Variants in SPRYD4 observed in about 807,000 individuals in gnomAD.
The protein encoded by SPRYD4 is SPRY domain-containing protein 4.
In SPRYD4, 12 loss-of-function variants were observed where a neutral mutation model predicts 16.6. The ratio of observed to expected loss-of-function variants is 0.72; its 90% CI spans 0.46 to 1.17. The LOEUF (loss-of-function observed/expected upper bound fraction) is 1.17, where lower values mean the gene tolerates loss of function less well. Among genes scored for constraint, SPRYD4 ranks in the 50% most tolerant of loss-of-function variants. SPRYD4 has a pLI of 0.00. For synonymous variants in SPRYD4, 98 were observed against 105.4 expected (o/e 0.93, Z 0.43); for missense variants, 260 against 260.2 (o/e 1.00, Z 0.00).
At position 56,469,349 on chromosome 12, in the gene SPRYD4, CACCATGTTG is replaced by C; in HGVS notation, c.397_405del (p.Thr133_Leu135del). ...TCACCTATGCCCAGCGCAAGTGGTA[CACCATGTTG>C]GCCAACGAGAAAGCCCCAGTTGAGG... On this transcript the variant is annotated inframe_deletion, in exon 2 of 2. Coordinates refer to ENST00000338146, the MANE Select transcript of SPRYD4 (RefSeq NM_207344.4). 6.2e-7 allele frequency: 1 copy of C among 1,614,150 alleles called. No homozygotes were observed. Among genetic ancestry groups the C allele is most frequent in the Non-Finnish European group, 8.5e-7 (1 of 1,180,032 alleles).
chr12:56,475,821 GAA>G lies in SPRYD4; in HGVS notation c.*6246_*6247del. ...AGGCCAGCAGATTTCCACATTTCTG[GAA>G]ATAAGGCTTCTAGTATGGGCTGGTG... is the stretch of plus-strand genomic sequence containing the variant. On this transcript the variant is annotated 3_prime_UTR_variant, in exon 2 of 2. Coordinates refer to ENST00000338146, the MANE Select transcript of SPRYD4 (RefSeq NM_207344.4). 1 of 1,415,012 alleles carries G rather than the reference GAA, an allele frequency of 7.1e-7. No individual in the cohort carries two copies. 87.7% of individuals were successfully genotyped at this position (1,415,012 alleles called of 1,614,324 possible). A position where few individuals can be genotyped will look rare whatever the true frequency, so the allele number is the denominator to read the frequency against.
In SPRYD4 at chr12:56,478,650, T is replaced by C; in HGVS notation, c.*9073T>C. The stretch of plus-strand genomic sequence containing the variant: ...GCCATGTCACCATTTACAGAAGTTC[T>C]GCTTCTCATCTCTCATTCATAGGAC... On this transcript the variant is annotated 3_prime_UTR_variant, in exon 2 of 2. Transcript: ENST00000338146. The C allele has an allele frequency of 3.8e-6, 1 of 261,772 alleles. No individual in the cohort carries two copies. Among genetic ancestry groups the C allele is most frequent in the Admixed American group, 5.0e-5 (1 of 20,066 alleles). The allele number at this position is 261,772 out of a possible 1,614,324, so 16.2% of individuals were successfully genotyped here. A position where few individuals can be genotyped will look rare whatever the true frequency, so the allele number is the denominator to read the frequency against.
chr12:56,472,244 C>A lies in SPRYD4; in HGVS notation c.*2667C>A. ...AGAGTTGCCTAGATCAGACTGGAAT[C>A]ACAGGTGTTCTTTGTGAACTGGTGT... On this transcript the variant is annotated 3_prime_UTR_variant, in exon 2 of 2. Coordinates refer to ENST00000338146, the MANE Select transcript of SPRYD4 (RefSeq NM_207344.4). 1 of 1,545,294 alleles carries A rather than the reference C, an allele frequency of 6.5e-7. No individual in the cohort carries two copies. Among genetic ancestry groups the A allele is most frequent in the South Asian group, 1.1e-5 (1 of 89,358 alleles).
rs372721462 is a variant in SPRYD4 at position 56,475,143 on chromosome 12, T to A, written c.*5566T>A. 15 of 1,613,256 alleles carry A rather than the reference T, an allele frequency of 9.3e-6. No individual in the cohort carries two copies. The highest frequency in any genetic ancestry group is 1.2e-5 in the Non-Finnish European group (14 of 1,180,048). The stretch of plus-strand genomic sequence containing the variant: ...AAACACCCAATTTAGTACTTGAAGT[T>A]GGAGGAGTGGGTGTTGGGAGAAGGG... On this transcript the variant is annotated 3_prime_UTR_variant, in exon 2 of 2. Coordinates refer to ENST00000338146, the MANE Select transcript of SPRYD4 (RefSeq NM_207344.4).
chr12:56,468,738 CCCACT>C, intron 1 of SPRYD4, 62 bp downstream of exon 1: 1 of 1,555,036 alleles, frequency 6.4e-7, no homozygotes, highest in Non-Finnish European at 8.9e-7. Flanking sequence ...ATTCCCAGAC[CCCACT>C]CCGAGAAGCA....
In SPRYD4 at chr12:56,473,024, G is replaced by A. The variant is rs1342963255; in HGVS notation, c.*3447G>A. On this transcript the variant is annotated 3_prime_UTR_variant, in exon 2 of 2. Transcript: ENST00000338146. ...CCTGCCTCAGCCTCCCAAGTAGCTGGGACCACAGGCGCGTGCCACCACGTC... is the reference window on the plus strand; with the variant it reads ...CCTGCCTCAGCCTCCCAAGTAGCTGAGACCACAGGCGCGTGCCACCACGTC... 3.3e-6 allele frequency: 2 copies of A among 604,694 alleles called. No individual in the cohort carries two copies. The highest frequency in any genetic ancestry group is 5.7e-6 in the Non-Finnish European group (2 of 351,114). The allele number at this position is 604,694 out of a possible 1,614,324, so 37.5% of individuals were successfully genotyped here.
chr12:56,469,202 C>G lies in SPRYD4; in HGVS notation c.249C>G (p.Val83=), dbSNP rs1488226180. The part of the protein sequence containing the change: ...EWAVVLADTA[V]TSGRHYWEVT... ...CAGTGGTGCTGGCAGACACAGCGGT[C>G]ACCAGTGGCAGACACTACTGGGAAG... The change falls in exon 2 of 2, where the codon GTC becomes GTG. Residue 83 remains valine, a synonymous_variant. Coordinates refer to ENST00000338146, the MANE Select transcript of SPRYD4 (RefSeq NM_207344.4). The G allele has an allele frequency of 6.2e-7, 1 of 1,614,070 alleles. No homozygotes were observed. Among genetic ancestry groups the G allele is most frequent in the East Asian group, 2.2e-5 (1 of 44,884 alleles).
Position 56,474,512 on chromosome 12 carries a change from A to G in SPRYD4, c.*4935A>G, listed in dbSNP as rs1869614181. The G allele has an allele frequency of 6.2e-7, 1 of 1,612,184 alleles. No individual in the cohort carries two copies. Among genetic ancestry groups the G allele is most frequent in the Non-Finnish European group, 8.5e-7 (1 of 1,179,688 alleles). ...GTTCTCTCTTCTTAGCACTGGGCTC[A>G]TGACAGATGGATAGCAGAGCCAGAA... On this transcript the variant is annotated 3_prime_UTR_variant, in exon 2 of 2. Coordinates refer to ENST00000338146, the MANE Select transcript of SPRYD4 (RefSeq NM_207344.4).
rs775124696 is a variant in SPRYD4, at chr12:56,475,922, G to A, written c.*6345G>A. 6.2e-7 allele frequency: 1 copy of A among 1,613,592 alleles called. No homozygotes were observed. The highest frequency in any genetic ancestry group is 2.2e-5 in the East Asian group (1 of 44,876). ...CATGCCATGGCGAAATGCAGCCAGG[G>A]GCTAAGTAGCAAGGGAACTTACAAA... is the stretch of plus-strand genomic sequence containing the variant. On this transcript the variant is annotated 3_prime_UTR_variant, in exon 2 of 2. Transcript: ENST00000338146.
chr12:56,478,670 T>C lies in SPRYD4; in HGVS notation c.*9093T>C, dbSNP rs779731824. 5 of 260,394 alleles carry C rather than the reference T, an allele frequency of 1.9e-5. No individual in the cohort carries two copies. The highest frequency in any genetic ancestry group is 3.0e-5 in the Non-Finnish European group (4 of 134,190). The allele number at this position is 260,394 out of a possible 1,614,324, so 16.1% of individuals were successfully genotyped here. ...AGTTCTGCTTCTCATCTCTCATTCA[T>C]AGGACTCCCAGCCCCAGGAAATCTC... On this transcript the variant is annotated 3_prime_UTR_variant, in exon 2 of 2. Transcript: ENST00000338146.
chr12:56,468,678 T>C lies in SPRYD4; in HGVS notation c.85+2T>C. ...TTGCCTCCACAGAGGCCCAGAGAGGTAGGATTATCTCTTTTTACTCTTTTA... is the reference window on the plus strand; with the variant it reads ...TTGCCTCCACAGAGGCCCAGAGAGGCAGGATTATCTCTTTTTACTCTTTTA... On this transcript the variant is annotated splice_donor_variant, in intron 1 of 1. Coordinates refer to ENST00000338146, the MANE Select transcript of SPRYD4 (RefSeq NM_207344.4). LOFTEE classifies it high-confidence loss of function. 1 of 1,613,028 alleles carries C rather than the reference T, an allele frequency of 6.2e-7. No individual in the cohort carries two copies. Among genetic ancestry groups the C allele is most frequent in the Non-Finnish European group, 8.5e-7 (1 of 1,179,066 alleles).
Position 56,469,669 on chromosome 12 carries a change from A to G in SPRYD4, c.*92A>G. The stretch of plus-strand genomic sequence containing the variant: ...TTTTACTTTGCCTCAAGCAACCTCT[A>G]GCTCCCACAATTCAGTGTTGGGTCC... On this transcript the variant is annotated 3_prime_UTR_variant, in exon 2 of 2. Coordinates refer to ENST00000338146, the MANE Select transcript of SPRYD4 (RefSeq NM_207344.4). 1 of 1,247,102 alleles carries G rather than the reference A, an allele frequency of 8.0e-7. No individual in the cohort carries two copies. 77.3% of individuals were successfully genotyped at this position (1,247,102 alleles called of 1,614,324 possible).
rs1869106790 is a variant in SPRYD4, at chr12:56,468,821, C to T, written c.85+145C>T. On this transcript the variant is annotated intron_variant, in intron 1 of 1. Coordinates refer to ENST00000338146, the MANE Select transcript of SPRYD4 (RefSeq NM_207344.4). The stretch of plus-strand genomic sequence containing the variant: ...TCTTAAGATTCCAAACCTGTGATAC[C>T]ATTTGGTTTCTTTAAATTCCGGGAC... The T allele has an allele frequency of 6.6e-6, 7 of 1,053,224 alleles. No individual in the cohort carries two copies. The South Asian group carries it at 8.0e-5, about 12-fold the overall frequency. The allele number at this position is 1,053,224 out of a possible 1,614,324, so 65.2% of individuals were successfully genotyped here. A position where few individuals can be genotyped will look rare whatever the true frequency, so the allele number is the denominator to read the frequency against.
At position 56,471,423 on chromosome 12, in the gene SPRYD4, T is replaced by TCGCCG; in HGVS notation, c.*1846_*1847insCGCCG. On this transcript the variant is annotated 3_prime_UTR_variant, in exon 2 of 2. Coordinates refer to ENST00000338146, the MANE Select transcript of SPRYD4 (RefSeq NM_207344.4). Reference sequence around the variant, plus strand: ...TAGCTCTCCATAGTATTTTTGGTGGTTATGGATTACATGTGTGGCCAGCTC... The same window carrying TCGCCG: ...TAGCTCTCCATAGTATTTTTGGTGGTCGCCGTATGGATTACATGTGTGGCCAGCTC... 20 of 1,514,782 alleles carry TCGCCG rather than the reference T, an allele frequency of 1.3e-5. No homozygotes were observed. Among genetic ancestry groups the TCGCCG allele is most frequent in the Admixed American group, 8.0e-5 (4 of 49,984 alleles). The allele number at this position is 1,514,782 out of a possible 1,614,324, so 93.8% of individuals were successfully genotyped here. A position where few individuals can be genotyped will look rare whatever the true frequency, so the allele number is the denominator to read the frequency against.
chr12:56,475,903 A>G lies in SPRYD4; in HGVS notation c.*6326A>G. 1 of 1,610,216 alleles carries G rather than the reference A, an allele frequency of 6.2e-7. No homozygotes were observed. Among genetic ancestry groups the G allele is most frequent in the Non-Finnish European group, 8.5e-7 (1 of 1,176,670 alleles). ...GGGCAGCTGGAGAGGACAGCATGCC[A>G]TGGCGAAATGCAGCCAGGGGCTAAG... On this transcript the variant is annotated 3_prime_UTR_variant, in exon 2 of 2. Transcript: ENST00000338146.
In SPRYD4 at chr12:56,479,276, G is replaced by A; in HGVS notation, c.*9699G>A. 1 of 1,496,532 alleles carries A rather than the reference G, an allele frequency of 6.7e-7. No homozygotes were observed. Among genetic ancestry groups the A allele is most frequent in the South Asian group, 1.3e-5 (1 of 77,956 alleles). 92.7% of individuals were successfully genotyped at this position (1,496,532 alleles called of 1,614,324 possible). On this transcript the variant is annotated 3_prime_UTR_variant, in exon 2 of 2. Coordinates refer to ENST00000338146, the MANE Select transcript of SPRYD4 (RefSeq NM_207344.4). Reference sequence around the variant, plus strand: ...AATTGGGAATAAAGAAGGTTGAGTGGTCTTCAGGTTTGGGATCAACAGCTC... The same window carrying A: ...AATTGGGAATAAAGAAGGTTGAGTGATCTTCAGGTTTGGGATCAACAGCTC...
chr12:56,479,202 G>A lies in SPRYD4; in HGVS notation c.*9625G>A. On this transcript the variant is annotated 3_prime_UTR_variant, in exon 2 of 2. Transcript: ENST00000338146. ...CACACCTGGATCCCAGACACGATTG[G>A]ATTAGGGGGCTAGAGAAATGCAGCT... 6.2e-7 allele frequency: 1 copy of A among 1,611,412 alleles called. No homozygotes were observed. Among genetic ancestry groups the A allele is most frequent in the Non-Finnish European group, 8.5e-7 (1 of 1,179,660 alleles).
Position 56,475,423 on chromosome 12 carries a change from A to G in SPRYD4, c.*5846A>G. 1 of 701,788 alleles carries G rather than the reference A, an allele frequency of 1.4e-6. No homozygotes were observed. The highest frequency in any genetic ancestry group is 2.3e-6 in the Non-Finnish European group (1 of 427,934). The allele number at this position is 701,788 out of a possible 1,614,324, so 43.5% of individuals were successfully genotyped here. ...AAACCATCACACTGCCTCTCTCATT[A>G]TGTACTAATTAGAAATGGAACAAAT... On this transcript the variant is annotated 3_prime_UTR_variant, in exon 2 of 2. Transcript: ENST00000338146.
In SPRYD4 at chr12:56,475,272, A is replaced by C; in HGVS notation, c.*5695A>C. The C allele has an allele frequency of 6.6e-7, 1 of 1,526,318 alleles. No individual in the cohort carries two copies. The highest frequency in any genetic ancestry group is 1.2e-5 in the South Asian group (1 of 85,106). 94.5% of individuals were successfully genotyped at this position (1,526,318 alleles called of 1,614,324 possible). On this transcript the variant is annotated 3_prime_UTR_variant, in exon 2 of 2. Transcript: ENST00000338146. ...ATATTAGAGGAAATTTCTGAACCTG[A>C]GCAAACACTCAGCATAGTTTTGTTA...
Sources: allele counts gnomAD v4.1 joint callset, GRCh38; gene constraint gnomAD v4.1.1; transcripts MANE v1.5; gene names NCBI Gene and HGNC (gene_info 2026-07-23, HGNC 2026-07-21).